NR5A2: variants seen among roughly 807,000 people sequenced by gnomAD.
NR5A2 encodes the protein nuclear receptor subfamily 5 group A member 2.
Under a neutral mutation model 62.7 loss-of-function variants are expected in NR5A2, and 26 were observed. The observed-to-expected ratio is 0.41, with a 90% CI of 0.30 to 0.58. The LOEUF (loss-of-function observed/expected upper bound fraction) is 0.58, where lower values mean the gene tolerates loss of function less well. Among genes scored for constraint, NR5A2 ranks in the 20% least tolerant of loss-of-function variants. The pLI is 0.22. For missense variants in NR5A2, 541 were observed against 669.1 expected, an observed-to-expected ratio of 0.81 and a Z score of 2.11; for synonymous variants, 246 against 241.7, an observed-to-expected ratio of 1.02 and a Z score of -0.16.
intron 7 of NR5A2, among the ~76,000 whole-genome samples, chr1:200,160,174 A>G (rs16846160): frequency 0.24 from 37,244 of 152,194 alleles, 6,036 homozygotes; most frequent in African/African-American, 0.46. Context: ...TCCCAACTGC[A>G]CTGTGTCCAT....
At chr1:200,083,827 T>C (rs536576749) in intron 5 of NR5A2, among the ~76,000 whole-genome samples, 2 of 151,980 alleles carry the variant, frequency 1.3e-5, no homozygotes, top group Admixed American at 6.6e-5. Context: ...TAGCCGGGCA[T>C]GGTGGCTCAT....
Position 200,147,734 on chromosome 1 carries a change from C to T in NR5A2, c.1379-26229C>T. The T allele has an allele frequency of 8.5e-6, 5 of 587,938 alleles. No individual in the cohort carries two copies. Among genetic ancestry groups the T allele is most frequent in the South Asian group, 3.4e-5 (2 of 59,024 alleles). 36.4% of individuals were successfully genotyped at this position (587,938 alleles called of 1,614,324 possible). ...AGCTCCTCCCTGAGCGCCTCTCCCA[C>T]GTCCACGGTGAAGACGCGGATGCCG... is the stretch of plus-strand genomic sequence containing the variant. On this transcript the variant is annotated intron_variant, in intron 7 of 7. Transcript: ENST00000367362. The surrounding 1 kb of genome is among the most constrained non-coding windows in gnomAD (Gnocchi z 4.9).
intron 2 of NR5A2, among the ~76,000 whole-genome samples, chr1:200,042,015 A>T (rs1021796625): frequency 2.0e-5 from 3 of 152,168 alleles, no homozygotes. Flanking sequence ...GATTGTTAGG[A>T]GAGCTATCAA....
rs151270947 is a variant in NR5A2, at chr1:200,132,881, C to G, written c.1378+11926C>G. 3.1e-3 allele frequency among the ~76,000 whole-genome samples: 474 copies of G among 152,290 alleles called. 2 individuals carry two copies. The highest frequency in any genetic ancestry group is 0.01 in the African/African-American group (424 of 41,568). On this transcript the variant is annotated intron_variant, in intron 7 of 7. Coordinates refer to ENST00000367362, the MANE Select transcript of NR5A2 (RefSeq NM_205860.3). ...CAGATTTTGGACAGCACCAATGTGG[C>G]CTCAGCCCTGGAGGAACTGAGTCCC...
intron 7 of NR5A2, among the ~76,000 whole-genome samples, chr1:200,163,997 T>C (rs1558178012): frequency 6.6e-6 from 1 of 151,960 alleles, no homozygotes; most frequent in African/African-American, 2.4e-5. Context: ...AAACACCAGG[T>C]CCCTCAGGGC....
rs143666809 is a variant in NR5A2, at chr1:200,145,293, G to A, written c.1378+24338G>A. ...ACACTGCACTCCAGCCTAGGTGACAGAGCAGGACTGTCTCAAAAAAAAATT... is the reference window on the plus strand; with the variant it reads ...ACACTGCACTCCAGCCTAGGTGACAAAGCAGGACTGTCTCAAAAAAAAATT... On this transcript the variant is annotated intron_variant, in intron 7 of 7. Coordinates refer to ENST00000367362, the MANE Select transcript of NR5A2 (RefSeq NM_205860.3). Among the ~76,000 whole-genome samples the A allele has an allele frequency of 2.0e-4, 31 of 152,254 alleles. 2 individuals carry two copies. The East Asian group carries it at 6.0e-3, about 29-fold the overall frequency.
chr1:200,171,486 C>G (rs558249594), intron 7 of NR5A2, among the ~76,000 whole-genome samples: 1 of 152,164 alleles, frequency 6.6e-6, no homozygotes, highest in Non-Finnish European at 1.5e-5. Flanking sequence ...CAGTAGCTCA[C>G]GCCTGTAATC....
rs746025193 is a variant in NR5A2, at chr1:200,048,497, C to T, written c.789C>T (p.His263=). 3 of 1,614,216 alleles carry T rather than the reference C, an allele frequency of 1.9e-6. No individual in the cohort carries two copies. Among genetic ancestry groups the T allele is most frequent in the Non-Finnish European group, 8.5e-7 (1 of 1,180,038 alleles). The part of the protein sequence containing the change: ...GSLQGYQTYG[H]FPSRAIKSEY... ...TGCAAGGTTACCAAACATATGGCCACTTTCCTAGCCGGGCCATCAAGTCTG... is the reference window on the plus strand; with the variant it reads ...TGCAAGGTTACCAAACATATGGCCATTTTCCTAGCCGGGCCATCAAGTCTG... The change falls in exon 5 of 8, where the codon CAC becomes CAT. Residue 263 remains histidine (H), a synonymous_variant. Transcript: ENST00000367362. The surrounding 1 kb of genome is among the most constrained non-coding windows in gnomAD (Gnocchi z 4.8).
intron 5 of NR5A2, among the ~76,000 whole-genome samples, chr1:200,066,430 T>A (rs1663471202): frequency 6.6e-6 from 1 of 152,090 alleles, no homozygotes; most frequent in Non-Finnish European, 1.5e-5. Context: ...AGTTCTCAGA[T>A]GTCACCTTTG....
chr1:200,096,723 C>A (rs1665120969), intron 5 of NR5A2, among the ~76,000 whole-genome samples: 1 of 152,204 alleles, frequency 6.6e-6, no homozygotes. Flanking sequence ...AAATGATGGA[C>A]TGCATATATG....
At chr1:200,151,611 C>T (rs993196853) in intron 7 of NR5A2, among the ~76,000 whole-genome samples, 2 of 152,144 alleles carry the variant, frequency 1.3e-5, no homozygotes, top group African/African-American at 2.4e-5. Context: ...TCATATTCTA[C>T]ATGGAAGCAC....
intron 7 of NR5A2, among the ~76,000 whole-genome samples, chr1:200,166,033 C>A (rs1188182096): frequency 1.3e-5 from 2 of 152,196 alleles, no homozygotes; most frequent in African/African-American, 4.8e-5. Context: ...ACAGGTGCCT[C>A]TAGGTGCCTC....
At position 200,062,257 on chromosome 1, in the gene NR5A2, G is replaced by GTGTGTGTGTGTGTGTGTGTGTGTGTGTA. The variant is rs1490926111; in HGVS notation, c.1110+13440_1110+13441insGTGTGTGTGTGTGTGTGTGTGTGTGTAT. 2.0e-4 allele frequency among the ~76,000 whole-genome samples: 30 copies of GTGTGTGTGTGTGTGTGTGTGTGTGTGTA among 151,600 alleles called. No homozygotes were observed. In the East Asian group the frequency reaches 4.9e-3, roughly 25 times the overall value. On this transcript the variant is annotated intron_variant, in intron 5 of 7. Transcript: ENST00000367362. ...TGTGTGTGTGTGTGTGTGTGTGTGT[G>GTGTGTGTGTGTGTGTGTGTGTGTGTGTA]TATCTGTGTCCATGTGTGTATCGCA...
chr1:200,118,014 TTTTTC>T (rs1214430777), intron 6 of NR5A2, among the ~76,000 whole-genome samples: 1 of 84,888 alleles, frequency 1.2e-5, no homozygotes, highest in Non-Finnish European at 2.5e-5. Context: ...GCACCTCGCC[TTTTTC>T]TTTTTTTTTT....
chr1:200,173,622 C>T (rs1252939852), intron 7 of NR5A2, among the ~76,000 whole-genome samples: 2 of 152,174 alleles, frequency 1.3e-5, no homozygotes, highest in East Asian at 1.9e-4. Flanking sequence ...GGTCTTTCTC[C>T]AGGGACTCAT....
At chr1:200,104,862 C>T (rs1480607803) in intron 5 of NR5A2, among the ~76,000 whole-genome samples, 1 of 152,110 alleles carries the variant, frequency 6.6e-6, no homozygotes, top group Middle Eastern at 3.2e-3. Context: ...GGAATTTCAC[C>T]ATGTTGGCCA....
chr1:200,042,054 A>C (rs924067287), intron 2 of NR5A2, among the ~76,000 whole-genome samples: 6 of 152,030 alleles, frequency 3.9e-5, no homozygotes, highest in Non-Finnish European at 8.8e-5. Context: ...GAATTTCTGA[A>C]CCCTCGGCCC....
chr1:200,097,818 A>C (rs1665171286), intron 5 of NR5A2, among the ~76,000 whole-genome samples: 1 of 152,198 alleles, frequency 6.6e-6, no homozygotes, highest in South Asian at 2.1e-4. Flanking sequence ...TAGCCTGCAT[A>C]TTCTTCTCCT....
intron 5 of NR5A2, among the ~76,000 whole-genome samples, chr1:200,108,993 C>T (rs1665818748): frequency 6.6e-6 from 1 of 152,188 alleles, no homozygotes; most frequent in Admixed American, 6.5e-5. Flanking sequence ...GACTTTCCTT[C>T]AAAGAAAAAT....
Sources: allele counts gnomAD v4.1 joint callset (sites outside exome capture counted in the v4.1 genomes callset), GRCh38; gene constraint gnomAD v4.1.1; non-coding constraint Gnocchi (gnomAD v3.1); transcripts MANE v1.5; gene names NCBI Gene and HGNC (gene_info 2026-07-23, HGNC 2026-07-21).